Variants in PLSCR2 observed in about 807,000 individuals in gnomAD.
PLSCR2 encodes phospholipid scramblase 2.
In PLSCR2, 18 loss-of-function variants were observed where a neutral mutation model predicts 25.3. That is an observed-to-expected ratio of 0.71 (90% CI 0.49 to 1.06). PLSCR2 has a LOEUF of 1.06. PLSCR2 is among the 50% of genes least tolerant of loss of function. The pLI, the probability that PLSCR2 is intolerant of heterozygous loss-of-function variation, is 0.00. For missense variants in PLSCR2, 243 were observed against 269.5 expected (o/e 0.90, Z 0.69); for synonymous variants, 88 against 87.3 (o/e 1.01, Z -0.04).
intron 2 of PLSCR2, among the ~76,000 whole-genome samples, chr3:146,419,324 C>T (rs897327766): frequency 2.0e-5 from 3 of 152,116 alleles, no homozygotes; most frequent in Non-Finnish European, 2.9e-5. Context: ...CTCTCACATA[C>T]AGTACTGTTA....
At chr3:146,423,703 G>A (rs925000764) in intron 2 of PLSCR2, among the ~76,000 whole-genome samples, 4 of 152,028 alleles carry the variant, frequency 2.6e-5, no homozygotes, top group Admixed American at 2.0e-4. Context: ...GTAATTCCAA[G>A]CTTCCTTTAA....
chr3:146,401,242 T>G (rs1447275363), intron 2 of PLSCR2: 3 of 152,186 alleles, frequency 2.0e-5, no homozygotes, highest in East Asian at 1.9e-4. Context: ...AAAATACAAT[T>G]ATCTCTCTGA....
chr3:146,484,444 A>G (rs527784420), intron 1 of PLSCR2, among the ~76,000 whole-genome samples: 1 of 152,128 alleles, frequency 6.6e-6, no homozygotes, highest in East Asian at 1.9e-4. Context: ...AGAGAACACC[A>G]TTAAGATGCT....
In PLSCR2 at chr3:146,480,307, G is replaced by C. The variant is rs573562415; in HGVS notation, c.-293+15588C>G. Reference sequence around the variant, plus strand: ...ATCAATGAATCCAGGATCTGGCTTTGTGAAAAGATCAACAAAACTGATAGA... The same window carrying C: ...ATCAATGAATCCAGGATCTGGCTTTCTGAAAAGATCAACAAAACTGATAGA... On this transcript the variant is annotated intron_variant, in intron 1 of 8. Transcript: ENST00000336685. 1.1e-4 allele frequency among the ~76,000 whole-genome samples: 16 copies of C among 152,052 alleles called. No homozygotes were observed. The East Asian group carries it at 3.1e-3, about 29-fold the overall frequency.
chr3:146,399,993 G>A (rs184848498), intron 2 of PLSCR2, among the ~76,000 whole-genome samples: 1 of 151,696 alleles, frequency 6.6e-6, no homozygotes, highest in African/African-American at 2.4e-5. Flanking sequence ...CAAAACCACT[G>A]TCAAATTCTT....
At chr3:146,463,924 G>C, upstream of PLSCR2, 6 of 974,878 alleles carry the variant, frequency 6.2e-6, no homozygotes, top group Non-Finnish European at 7.3e-6. Flanking sequence ...TCCAATTATA[G>C]TCACCTCTTA....
chr3:146,445,068 G>A (rs1169639679), intron 6 of PLSCR2, among the ~76,000 whole-genome samples: 1 of 151,950 alleles, frequency 6.6e-6, no homozygotes, highest in Admixed American at 6.6e-5. Flanking sequence ...TAATTTCATT[G>A]TCCCATTTTT....
chr3:146,392,838 C>T (rs1576545188), intron 3 of PLSCR2, among the ~76,000 whole-genome samples: 2 of 125,442 alleles, frequency 1.6e-5, no homozygotes, highest in East Asian at 2.4e-4. Flanking sequence ...ATTATGCTTC[C>T]TTGGGTTTAT....
chr3:146,463,971 A>C (rs1191374320), upstream of PLSCR2: 1 of 984,490 alleles, frequency 1.0e-6, no homozygotes, highest in Non-Finnish European at 1.2e-6. Flanking sequence ...AAGGTTGAAT[A>C]ATTCCAAGTG....
chr3:146,469,804 G>C (rs1377433750), intron 1 of PLSCR2, among the ~76,000 whole-genome samples: 1 of 136,700 alleles, frequency 7.3e-6, no homozygotes, highest in Non-Finnish European at 1.6e-5. Context: ...TGTGCGACGC[G>C]CAGCTGCCGC....
At chr3:146,486,538 A>G (rs1284935334) in intron 1 of PLSCR2, among the ~76,000 whole-genome samples, 1 of 152,138 alleles carries the variant, frequency 6.6e-6, no homozygotes, top group East Asian at 1.9e-4. Context: ...AATATTATAA[A>G]CACCTCTATA....
intron 1 of PLSCR2, among the ~76,000 whole-genome samples, chr3:146,494,193 C>T (rs923696245): frequency 1.3e-5 from 2 of 151,986 alleles, no homozygotes; most frequent in Non-Finnish European, 2.9e-5. Context: ...CTTTGAGGCA[C>T]AGATTTTTGG....
intron 8 of PLSCR2, among the ~76,000 whole-genome samples, 163 bp from the exon 8 acceptor site, chr3:146,433,680 T>A (rs1276564839): frequency 6.6e-6 from 1 of 152,148 alleles, no homozygotes; most frequent in African/African-American, 2.4e-5. Flanking sequence ...ATACCTCCAC[T>A]TGACTTGGCA....
chr3:146,401,343 T>C (rs1008906715), intron 2 of PLSCR2: 1 of 152,542 alleles, frequency 6.6e-6, no homozygotes, highest in Admixed American at 6.5e-5. Flanking sequence ...GATATGATGG[T>C]ATAAATATTT....
chr3:146,480,498 TA>T (rs1385236796), intron 1 of PLSCR2, among the ~76,000 whole-genome samples: 1 of 151,998 alleles, frequency 6.6e-6, no homozygotes. Flanking sequence ...AAGAAATGGA[TA>T]AATTCCTGGA....
chr3:146,414,242 C>T (rs776880039), intron 2 of PLSCR2, among the ~76,000 whole-genome samples: 5 of 152,224 alleles, frequency 3.3e-5, no homozygotes, highest in Non-Finnish European at 5.9e-5. Context: ...CCTGTCAACA[C>T]CATCGCACTG....
chr3:146,403,289 T>C (rs1024614968), intron 2 of PLSCR2, among the ~76,000 whole-genome samples: 3 of 152,210 alleles, frequency 2.0e-5, no homozygotes, highest in African/African-American at 7.2e-5. Context: ...GGTGTTAAAT[T>C]ACATGGAAGT....
At chr3:146,449,951 C>A (rs1262567139) in intron 5 of PLSCR2, among the ~76,000 whole-genome samples, 1 of 151,942 alleles carries the variant, frequency 6.6e-6, no homozygotes, top group Non-Finnish European at 1.5e-5. Context: ...AGGGTGTGGG[C>A]AAGACCAGCT....
At chr3:146,454,283 C>CA (rs2041073311) in intron 4 of PLSCR2, 120 bp from the exon 5 acceptor site, 1 of 595,900 alleles carries the variant, frequency 1.7e-6, no homozygotes, top group Non-Finnish European at 2.7e-6. Flanking sequence ...CTTCCTAGGA[C>CA]TTTTTTTTTA....
Sources: allele counts gnomAD v4.1 joint callset (sites outside exome capture counted in the v4.1 genomes callset), GRCh38; gene constraint gnomAD v4.1.1; transcripts MANE v1.5; gene names NCBI Gene and HGNC (gene_info 2026-07-23, HGNC 2026-07-21).